JADE3: variants seen among roughly 807,000 people sequenced by gnomAD.
JADE3 encodes the protein protein Jade-3.
Under a neutral mutation model 50.1 loss-of-function variants are expected in JADE3, and 2 were observed. The observed-to-expected ratio is 0.04, with a 90% CI of 0.02 to 0.13. The LOEUF (loss-of-function observed/expected upper bound fraction) is 0.13. JADE3 is among the 10% of genes least tolerant of loss of function. JADE3 has a pLI of 1.00. For synonymous variants in JADE3, 218 were observed against 232.9 expected, an observed-to-expected ratio of 0.94 and a Z score of 0.58; for missense variants, 475 against 634.4, an observed-to-expected ratio of 0.75 and a Z score of 2.70.
intron 1 of JADE3, among the ~76,000 whole-genome samples, chrX:46,948,012 T>C (rs1028615509): frequency 2.7e-5 from 3 of 111,865 alleles, no homozygotes; most frequent in South Asian, 3.8e-4. Flanking sequence ...GTCCCTGGTA[T>C]CTGATACCAC....
intron 1 of JADE3, among the ~76,000 whole-genome samples, chrX:46,920,246 C>G (rs1024947551): frequency 8.9e-6 from 1 of 112,136 alleles, no homozygotes; most frequent in African/African-American, 3.2e-5. Flanking sequence ...CCAGTTTTTC[C>G]CCCTAGAAAT....
intron 8 of JADE3, among the ~76,000 whole-genome samples, chrX:47,049,823 G>A (rs1194897808): frequency 6.3e-5 from 6 of 95,572 alleles, no homozygotes; most frequent in Non-Finnish European, 8.3e-5. Context: ...GTGCAATGGC[G>A]CGATCTTGGC....
chrX:47,037,098 TTAAAG>T (rs1929149570), intron 7 of JADE3, among the ~76,000 whole-genome samples: 1 of 92,005 alleles, frequency 1.1e-5, no homozygotes, highest in African/African-American at 5.1e-5. Flanking sequence ...ACCCTAAAAC[TTAAAG>T]TATAATAAAA....
intron 1 of JADE3, among the ~76,000 whole-genome samples, chrX:46,923,389 C>CTTT (rs1926271002): frequency 4.1e-5 from 1 of 24,170 alleles, no homozygotes; most frequent in Non-Finnish European, 1.4e-4. Flanking sequence ...CTCTCTCTCT[C>CTTT]TCTCTTTTTT....
At chrX:47,015,610 G>T (rs782456459) in intron 4 of JADE3, among the ~76,000 whole-genome samples, 1 of 107,597 alleles carries the variant, frequency 9.3e-6, no homozygotes, top group Admixed American at 1.0e-4. Flanking sequence ...TTGATCTAAT[G>T]TAATACAATA....
chrX:47,054,543 A>G lies in JADE3; in HGVS notation c.1358A>G (p.Glu453Gly), dbSNP rs1556372971. Residue 453 changes from glutamate to glycine, a missense_variant, in exon 9 of 11, where the codon GAA becomes GGA. Transcript: ENST00000614628. ...NKPLFPPKED[E>G]ENGLVQPKEE... The stretch of plus-strand genomic sequence containing the variant: ...CCATTATTTCCTCCAAAGGAGGATG[A>G]AGAAAATGGGCTGGTGCAGCCAAAA... 2 of 1,208,615 alleles carry G rather than the reference A, an allele frequency of 1.7e-6. No individual in the cohort carries two copies. The highest frequency in any genetic ancestry group is 4.4e-5 in the Admixed American group (2 of 45,809).
intron 1 of JADE3, among the ~76,000 whole-genome samples, chrX:46,923,393 C>CTTTTTTT (rs782555482): frequency 1.7e-4 from 2 of 11,522 alleles, no homozygotes; most frequent in Non-Finnish European, 2.0e-4. Flanking sequence ...CTCTCTCTCT[C>CTTTTTTT]TTTTTTTTTT....
intron 1 of JADE3, among the ~76,000 whole-genome samples, chrX:46,973,896 C>T (rs782770672): frequency 1.8e-5 from 2 of 110,705 alleles, no homozygotes; most frequent in African/African-American, 6.6e-5. Context: ...GCCTGACCAA[C>T]ATGACAAAAC....
At chrX:47,009,328 G>C (rs1470604394) in intron 4 of JADE3, among the ~76,000 whole-genome samples, 1 of 110,977 alleles carries the variant, frequency 9.0e-6, no homozygotes, top group Non-Finnish European at 1.9e-5. Flanking sequence ...GCAAGACCCT[G>C]TCTCAAAAAG....
At chrX:47,016,630 A>T (rs1045815003) in intron 4 of JADE3, among the ~76,000 whole-genome samples, 1 of 111,354 alleles carries the variant, frequency 9.0e-6, no homozygotes, top group African/African-American at 3.3e-5. Flanking sequence ...TAAAAGGCAT[A>T]TCAAAGGATT....
At chrX:47,041,136 G>A (rs1447701834) in intron 8 of JADE3, among the ~76,000 whole-genome samples, 1 of 110,774 alleles carries the variant, frequency 9.0e-6, no homozygotes, top group East Asian at 2.8e-4. Flanking sequence ...GTCCCTTGAG[G>A]GCCAAGATTG....
intron 10 of JADE3, among the ~76,000 whole-genome samples, chrX:47,057,795 A>G (rs1407858998): frequency 8.9e-6 from 1 of 112,037 alleles, no homozygotes; most frequent in African/African-American, 3.2e-5. Flanking sequence ...TGCCATACCA[A>G]CACATGCATG....
intron 8 of JADE3, among the ~76,000 whole-genome samples, chrX:47,053,050 C>T (rs376377377): frequency 9.1e-6 from 1 of 109,493 alleles, no homozygotes; most frequent in African/African-American, 3.3e-5. Context: ...AGTGAGACAC[C>T]GTCTAAAAAA....
At chrX:47,001,447 T>C (rs1556359039) in intron 4 of JADE3, among the ~76,000 whole-genome samples, 1 of 111,961 alleles carries the variant, frequency 8.9e-6, no homozygotes, top group East Asian at 2.8e-4. Flanking sequence ...ATCTCCATAC[T>C]TTTATCATCT....
At chrX:46,969,008 A>G (rs2147123567) in intron 1 of JADE3, among the ~76,000 whole-genome samples, 1 of 112,966 alleles carries the variant, frequency 8.9e-6, no homozygotes, top group Admixed American at 9.3e-5. Flanking sequence ...CACAAGCAAC[A>G]TTCACCAAGG....
intron 1 of JADE3, among the ~76,000 whole-genome samples, chrX:46,938,067 T>C: frequency 8.9e-6 from 1 of 112,207 alleles, no homozygotes; most frequent in Non-Finnish European, 1.9e-5. Flanking sequence ...CACTTACTTA[T>C]ATCATTGTAT....
In JADE3 at chrX:46,925,772, C is replaced by CG. The variant is rs1926342541; in HGVS notation, c.-12+13054dup. Among the ~76,000 whole-genome samples the CG allele has an allele frequency of 2.8e-5, 3 of 106,179 alleles. No individual in the cohort carries two copies. In the South Asian group the frequency reaches 1.3e-3, roughly 45 times the overall value. The allele number at this position is 106,179 out of a possible 115,157, so 92.2% of individuals were successfully genotyped here. A position where few individuals can be genotyped will look rare whatever the true frequency, so the allele number is the denominator to read the frequency against. Reference sequence around the variant, plus strand: ...CCGGGAGGCAGAGCTTGCAGTGAGCCGAGATCACAGTACTGCACTCCAGCC... The same window carrying CG: ...CCGGGAGGCAGAGCTTGCAGTGAGCCGGAGATCACAGTACTGCACTCCAGCC... On this transcript the variant is annotated intron_variant, in intron 1 of 10. Coordinates refer to ENST00000614628, the MANE Select transcript of JADE3 (RefSeq NM_014735.5).
At position 47,058,729 on chromosome X, in the gene JADE3, T is replaced by G; in HGVS notation, c.2124T>G (p.Thr708=). 3 of 1,208,706 alleles carry G rather than the reference T, an allele frequency of 2.5e-6. No homozygotes were observed. The highest frequency in any genetic ancestry group is 1.1e-6 in the Non-Finnish European group (1 of 894,306). The change falls in exon 11 of 11, where the codon ACT becomes ACG. Residue 708 remains threonine (T), a synonymous_variant. Transcript: ENST00000614628. ...LVSQGSFRKS[T]VEHFSRSFKE... ...GTCAGGGCAGCTTTAGAAAATCCAC[T>G]GTAGAACACTTTAGTAGGTCCTTTA...
chrX:46,922,630 G>A (rs927810303), intron 1 of JADE3, among the ~76,000 whole-genome samples: 3 of 108,782 alleles, frequency 2.8e-5, no homozygotes, highest in African/African-American at 1.0e-4. Context: ...CAAGTCTACT[G>A]TTCAGCCCAT....
Sources: gnomAD v4.1 joint callset for allele counts (sites outside exome capture counted in the v4.1 genomes callset) on GRCh38, gnomAD v4.1.1 for gene constraint, MANE v1.5 for transcripts, NCBI Gene and HGNC (gene_info 2026-07-23, HGNC 2026-07-21) for gene names.